Variants in CTNNA3 observed in about 807,000 individuals in gnomAD.
The protein encoded by CTNNA3 is catenin alpha-3.
A neutral mutation model predicts 95.7 loss-of-function variants in CTNNA3; 76 were observed. The ratio of observed to expected loss-of-function variants is 0.79; its 90% CI spans 0.66 to 0.96. The LOEUF is 0.96. Ranked by LOEUF, CTNNA3 falls within the 40% of genes least tolerant of loss-of-function variation. The probability of loss-of-function intolerance (pLI) is 0.00; values close to 1 mark genes in which losing one functional copy is unlikely to be tolerated. For synonymous variants in CTNNA3, 431 were observed against 374.4 expected (o/e 1.15, Z -1.74); for missense variants, 1,191 against 1,089.8 (o/e 1.09, Z -1.31).
chr10:67,155,040 A>G (rs1265132639), intron 7 of CTNNA3, among the ~76,000 whole-genome samples: 1 of 152,110 alleles, frequency 6.6e-6, no homozygotes, highest in Non-Finnish European at 1.5e-5. Flanking sequence ...AGCACCCTGT[A>G]TATTTCTTTC....
intron 15 of CTNNA3, among the ~76,000 whole-genome samples, chr10:66,023,940 A>G (rs2079277696): frequency 6.6e-6 from 1 of 152,184 alleles, no homozygotes; most frequent in Admixed American, 6.5e-5. Flanking sequence ...TATTTTAACC[A>G]ATACAAAGTT....
At chr10:66,403,968 T>C (rs1490587671) in intron 11 of CTNNA3, among the ~76,000 whole-genome samples, 4 of 152,182 alleles carry the variant, frequency 2.6e-5, no homozygotes, top group African/African-American at 7.2e-5. Flanking sequence ...GGCCACAAGA[T>C]AGATGTAATT....
intron 13 of CTNNA3, among the ~76,000 whole-genome samples, chr10:66,108,753 A>G (rs970244592): frequency 6.6e-6 from 1 of 152,182 alleles, no homozygotes; most frequent in Non-Finnish European, 1.5e-5. Flanking sequence ...TTAGCTGAAT[A>G]AAGGAGCAAA....
At chr10:66,148,980 T>C (rs2084042779) in intron 13 of CTNNA3, among the ~76,000 whole-genome samples, 1 of 151,428 alleles carries the variant, frequency 6.6e-6, no homozygotes, top group African/African-American at 2.4e-5. Context: ...ACATGCATTA[T>C]ATTTAGATAT....
intron 7 of CTNNA3, among the ~76,000 whole-genome samples, chr10:66,994,207 G>A (rs1416989188): frequency 2.6e-5 from 4 of 152,082 alleles, no homozygotes; most frequent in Non-Finnish European, 4.4e-5. Flanking sequence ...AACTACCCAG[G>A]TACTCCAGTG....
At chr10:66,145,586 T>C (rs1405670535) in intron 13 of CTNNA3, among the ~76,000 whole-genome samples, 2 of 152,140 alleles carry the variant, frequency 1.3e-5, no homozygotes, top group African/African-American at 2.4e-5. Context: ...GAAAATGGTC[T>C]TGTGGAAAGA....
At chr10:67,663,046 T>G (rs1840234124) in intron 1 of CTNNA3, among the ~76,000 whole-genome samples, 1 of 152,224 alleles carries the variant, frequency 6.6e-6, no homozygotes, top group Non-Finnish European at 1.5e-5. Context: ...ATTCACTTTT[T>G]CGAAGTGTCT....
At chr10:66,456,404 A>G (rs1024850123) in intron 11 of CTNNA3, among the ~76,000 whole-genome samples, 1 of 152,196 alleles carries the variant, frequency 6.6e-6, no homozygotes, top group Non-Finnish European at 1.5e-5. Flanking sequence ...AATGGGGAAA[A>G]GACAGTCTTT....
intron 14 of CTNNA3, among the ~76,000 whole-genome samples, chr10:66,091,809 A>G (rs2081223827): frequency 1.3e-5 from 2 of 151,916 alleles, no homozygotes; most frequent in Non-Finnish European, 2.9e-5. Context: ...TTTGAAGGAA[A>G]ACAGACCTAA....
Position 67,314,608 on chromosome 10 carries a change from C to A in CTNNA3, c.580-94738G>T, listed in dbSNP as rs571744505. Among the ~76,000 whole-genome samples the A allele has an allele frequency of 2.6e-5, 4 of 152,250 alleles. No individual in the cohort carries two copies. The East Asian group carries it at 7.7e-4, about 29-fold the overall frequency. On this transcript the variant is annotated intron_variant, in intron 5 of 17. Transcript: ENST00000433211. ...TTCCCCGAAGGCAACAAATACTCAA[C>A]AAGAGTAAAATGTTCTGCATTTATG...
chr10:67,669,255 G>A lies in CTNNA3; in HGVS notation c.-5-21737C>T, dbSNP rs1173733078. On this transcript the variant is annotated intron_variant, in intron 1 of 17. Coordinates refer to ENST00000433211, the MANE Select transcript of CTNNA3 (RefSeq NM_013266.4). ...GGTATGCTAAGTTTGAGGTGCAGTG[G>A]CATATGCAAATAGTTATGTCCCATG... Among the ~76,000 whole-genome samples, 3 of 152,286 alleles carry A rather than the reference G, an allele frequency of 2.0e-5. No individual in the cohort carries two copies. The East Asian group carries it at 5.8e-4, about 29-fold the overall frequency.
chr10:66,208,826 T>G (rs2087931916), intron 13 of CTNNA3, among the ~76,000 whole-genome samples: 1 of 152,032 alleles, frequency 6.6e-6, no homozygotes. Flanking sequence ...AGTACCACTG[T>G]TTTAATAACA....
chr10:66,978,526 CAAA>C (rs1170594360), intron 7 of CTNNA3, among the ~76,000 whole-genome samples: 2 of 42,316 alleles, frequency 4.7e-5, no homozygotes, highest in African/African-American at 1.0e-4. Flanking sequence ...GACTCCATCT[CAAA>C]AAAAAAAAAA....
chr10:66,143,889 T>C (rs2083741082), intron 13 of CTNNA3, among the ~76,000 whole-genome samples: 1 of 152,232 alleles, frequency 6.6e-6, no homozygotes, highest in African/African-American at 2.4e-5. Context: ...ATTTCTAATG[T>C]AAAAATGTAA....
At chr10:67,004,180 C>T (rs1254013815) in intron 7 of CTNNA3, among the ~76,000 whole-genome samples, 2 of 151,664 alleles carry the variant, frequency 1.3e-5, no homozygotes, top group African/African-American at 2.4e-5. Flanking sequence ...ACTTAATTAA[C>T]AGGGTCATTG....
At chr10:66,490,095 A>C (rs1045630202) in intron 11 of CTNNA3, among the ~76,000 whole-genome samples, 1 of 152,208 alleles carries the variant, frequency 6.6e-6, no homozygotes, top group Non-Finnish European at 1.5e-5. Context: ...ATGGATAAAC[A>C]TATCTATTCA....
intron 5 of CTNNA3, among the ~76,000 whole-genome samples, chr10:67,504,434 T>TCAAA (rs1839363502): frequency 6.7e-5 from 1 of 15,006 alleles, no homozygotes; most frequent in Non-Finnish European, 1.2e-4. Flanking sequence ...AGACTCCATC[T>TCAAA]CAAAAAAAAA....
intron 7 of CTNNA3, among the ~76,000 whole-genome samples, chr10:67,156,946 T>C (rs1861337221): frequency 6.6e-6 from 1 of 152,148 alleles, no homozygotes; most frequent in Non-Finnish European, 1.5e-5. Context: ...AATATTTGCT[T>C]TACATACTTA....
Position 66,461,685 on chromosome 10 carries a change from G to GTATATATATA in CTNNA3, c.1531+58922_1531+58931dup, listed in dbSNP as rs141247399. 5.8e-3 allele frequency among the ~76,000 whole-genome samples: 810 copies of GTATATATATA among 140,098 alleles called. 9 individuals are homozygous for GTATATATATA. The highest frequency in any genetic ancestry group is 0.021 in the African/African-American group (758 of 36,480). 91.9% of individuals were successfully genotyped at this position (140,098 alleles called of 152,430 possible). A position where few individuals can be genotyped will look rare whatever the true frequency, so the allele number is the denominator to read the frequency against. On this transcript the variant is annotated intron_variant, in intron 11 of 17. Transcript: ENST00000433211. ...GTTTGCACTCACGTTATATATATATGTATATATATATATATATATCAAGTG... is the reference window on the plus strand; with the variant it reads ...GTTTGCACTCACGTTATATATATATGTATATATATATATATATATATATATATATCAAGTG...
Sources: allele counts gnomAD v4.1 joint callset (sites outside exome capture counted in the v4.1 genomes callset), GRCh38; gene constraint gnomAD v4.1.1; transcripts MANE v1.5; gene names NCBI Gene and HGNC (gene_info 2026-07-23, HGNC 2026-07-21).